MMRN1: variants seen among roughly 807,000 people sequenced by gnomAD.
The protein encoded by MMRN1 is multimerin-1.
A neutral mutation model predicts 100.7 loss-of-function variants in MMRN1; 94 were observed. That is an observed-to-expected ratio of 0.93 (90% CI 0.79 to 1.11). The LOEUF (loss-of-function observed/expected upper bound fraction) is 1.11, where lower values mean the gene tolerates loss of function less well. MMRN1 is among the 50% of genes least tolerant of loss of function. The pLI is 0.00. For missense variants in MMRN1, 1,606 were observed against 1,439.1 expected, an observed-to-expected ratio of 1.12 and a Z score of -1.88; for synonymous variants, 575 against 505.0, an observed-to-expected ratio of 1.14 and a Z score of -1.86.
intron 4 of MMRN1, among the ~76,000 whole-genome samples, chr4:89,924,808 C>T (rs1387462666): frequency 6.6e-6 from 1 of 151,998 alleles, no homozygotes; most frequent in Non-Finnish European, 1.5e-5. Context: ...CATGCCGCTG[C>T]ACTGCAGCCT....
At chr4:89,944,932 A>G (rs1225373598) in intron 6 of MMRN1, among the ~76,000 whole-genome samples, 1 of 152,166 alleles carries the variant, frequency 6.6e-6, no homozygotes, top group African/African-American at 2.4e-5. Context: ...ACAAATACAT[A>G]GTCGTATAAC....
intron 6 of MMRN1, among the ~76,000 whole-genome samples, chr4:89,943,168 G>A (rs901440562): frequency 2.6e-5 from 4 of 152,132 alleles, no homozygotes; most frequent in Non-Finnish European, 5.9e-5. Flanking sequence ...GTGGACGTTA[G>A]CATATGATTG....
intron 3 of MMRN1, among the ~76,000 whole-genome samples, chr4:89,916,307 G>T (rs1721913722): frequency 6.7e-6 from 1 of 150,314 alleles, no homozygotes; most frequent in African/African-American, 2.5e-5. Context: ...GGATCTTTGT[G>T]TGATGCTTAA....
At position 89,936,381 on chromosome 4, in the gene MMRN1, T is replaced by G; in HGVS notation, c.2701T>G (p.Ser901Ala). ...DQALQLQVLNSRFKALEAKSI... is the reference protein window; with the variant it reads ...DQALQLQVLNARFKALEAKSI... ...GGCTCTTCAACTGCAAGTATTAAAT[T>G]CCAGATTTAAGGCGTTGGAAGCAAA... The change falls in exon 6 of 8, where the codon TCC becomes GCC. Residue 901 changes from serine (S) to alanine (A), a missense_variant. Ser to Ala is a moderately conservative substitution (Grantham distance 99). Transcript: ENST00000264790. 1 of 1,609,090 alleles carries G rather than the reference T, an allele frequency of 6.2e-7. No homozygotes were observed. The highest frequency in any genetic ancestry group is 1.3e-5 in the African/African-American group (1 of 74,706).
chr4:89,928,675 T>C (rs1042387630), intron 5 of MMRN1, among the ~76,000 whole-genome samples: 1 of 152,188 alleles, frequency 6.6e-6, no homozygotes, highest in African/African-American at 2.4e-5. Context: ...TCCCAGCTTC[T>C]AGAAGCCACT....
intron 1 of MMRN1, among the ~76,000 whole-genome samples, chr4:89,904,052 A>C (rs570177787): frequency 6.6e-6 from 1 of 151,698 alleles, no homozygotes. Flanking sequence ...TGAAAAAAGC[A>C]TGTATTGATG....
At chr4:89,951,105 T>A (rs931541545) in intron 6 of MMRN1, among the ~76,000 whole-genome samples, 4 of 152,282 alleles carry the variant, frequency 2.6e-5, no homozygotes, top group African/African-American at 4.8e-5. Context: ...TTTTTTAAAA[T>A]TTTAAAGCTC....
rs571538313 is a variant in MMRN1, at chr4:89,895,925, C to T, written c.623+331C>T. 2.6e-5 allele frequency among the ~76,000 whole-genome samples: 4 copies of T among 152,102 alleles called. No homozygotes were observed. The South Asian group carries it at 6.2e-4, about 24-fold the overall frequency. On this transcript the variant is annotated intron_variant, in intron 1 of 7. Transcript: ENST00000264790. ...AATTCAAGGATATGTTGATTGTGTT[C>T]CCAACCATATTCACAATATGAAAGA...
At chr4:89,927,662 T>C (rs1380541457) in intron 4 of MMRN1, 133 bp from the exon 5 acceptor site, 9 of 687,862 alleles carry the variant, frequency 1.3e-5, no homozygotes, top group South Asian at 2.1e-5. Context: ...TGAAAAATAG[T>C]GGTGAAAGTG....
At chr4:89,907,423 G>C (rs1721602082) in intron 1 of MMRN1, among the ~76,000 whole-genome samples, 1 of 151,316 alleles carries the variant, frequency 6.6e-6, no homozygotes, top group South Asian at 2.1e-4. Context: ...CTTTTTATGT[G>C]TTGTTTTCTG....
In MMRN1 at chr4:89,903,790, C is replaced by T. The variant is rs76327737; in HGVS notation, c.624-5486C>T. On this transcript the variant is annotated intron_variant, in intron 1 of 7. Transcript: ENST00000264790. ...AAAGCAGGTAGCCTGGCTCCAGCGA[C>T]GAACTATGTTATGGGAAATTTTTCA... Among the ~76,000 whole-genome samples, 898 of 151,134 alleles carry T rather than the reference C, an allele frequency of 5.9e-3. 14 individuals are homozygous for T. Among genetic ancestry groups the T allele is most frequent in the African/African-American group, 0.021 (860 of 41,212 alleles).
intron 3 of MMRN1, among the ~76,000 whole-genome samples, chr4:89,917,566 C>T (rs1434730100): frequency 6.6e-6 from 1 of 151,904 alleles, no homozygotes; most frequent in Non-Finnish European, 1.5e-5. Context: ...TAATATACAT[C>T]ATACCAAAAA....
At chr4:89,903,739 G>A (rs1721463958) in intron 1 of MMRN1, among the ~76,000 whole-genome samples, 1 of 151,692 alleles carries the variant, frequency 6.6e-6, no homozygotes, top group African/African-American at 2.4e-5. Context: ...CAAAGTCATG[G>A]CTATAAATTG....
At chr4:89,929,406 A>T (rs552990951) in intron 5 of MMRN1, among the ~76,000 whole-genome samples, 1 of 152,250 alleles carries the variant, frequency 6.6e-6, no homozygotes, top group African/African-American at 2.4e-5. Flanking sequence ...CACTAAAAGA[A>T]AGACCCTGTC....
chr4:89,933,215 C>T (rs1345185712), intron 5 of MMRN1, among the ~76,000 whole-genome samples: 2 of 152,170 alleles, frequency 1.3e-5, no homozygotes, highest in Non-Finnish European at 2.9e-5. Context: ...TCAAGAATCA[C>T]CTTTGCTCCA....
At chr4:89,896,105 T>C (rs1439077891) in intron 1 of MMRN1, among the ~76,000 whole-genome samples, 1 of 152,272 alleles carries the variant, frequency 6.6e-6, no homozygotes, top group Non-Finnish European at 1.5e-5. Context: ...TTTGAGCAAC[T>C]CAGTTGATGT....
At chr4:89,904,721 G>A (rs1721506791) in intron 1 of MMRN1, among the ~76,000 whole-genome samples, 1 of 151,606 alleles carries the variant, frequency 6.6e-6, no homozygotes, top group Admixed American at 6.6e-5. Flanking sequence ...TTCTGTTATT[G>A]TGATACATGA....
chr4:89,926,124 T>C (rs1399495983), intron 4 of MMRN1, among the ~76,000 whole-genome samples: 1 of 152,202 alleles, frequency 6.6e-6, no homozygotes, highest in African/African-American at 2.4e-5. Flanking sequence ...ACAGATTTCC[T>C]TTCTTTTGTG....
At chr4:89,894,678 G>T (rs1721131012), upstream of MMRN1, 1 of 252,312 alleles carries the variant, frequency 4.0e-6, no homozygotes, top group Non-Finnish European at 7.5e-6. Context: ...ATTTTTTCAT[G>T]GGTTTTCCTG....
Sources: gnomAD v4.1 joint callset for allele counts (sites outside exome capture counted in the v4.1 genomes callset) on GRCh38, gnomAD v4.1.1 for gene constraint, MANE v1.5 for transcripts, NCBI Gene and HGNC (gene_info 2026-07-23, HGNC 2026-07-21) for gene names.